Variants in CES5A observed in about 807,000 individuals in gnomAD.
CES5A encodes the protein carboxylesterase 5.
A neutral mutation model predicts 62.9 loss-of-function variants in CES5A; 67 were observed. That is an observed-to-expected ratio of 1.07 (90% confidence interval 0.88 to 1.31). CES5A has a LOEUF of 1.31. Ranked by LOEUF, CES5A falls within the 50% of genes most tolerant of loss-of-function variation. CES5A has a pLI of 0.00. For missense variants in CES5A, 748 were observed against 708.5 expected, an observed-to-expected ratio of 1.06 and a Z score of -0.63; for synonymous variants, 296 against 280.8, an observed-to-expected ratio of 1.05 and a Z score of -0.54.
chr16:55,907,839 A>G (rs370703634), intron 1 of CES5A, among the ~76,000 whole-genome samples: 17 of 152,238 alleles, frequency 1.1e-4, no homozygotes, highest in African/African-American at 3.9e-4. Flanking sequence ...GTGACTGATG[A>G]GCGGGTCTGT....
chr16:55,869,636 G>C lies in CES5A; in HGVS notation c.526C>G (p.Arg176Gly). 1 of 1,613,780 alleles carries C rather than the reference G, an allele frequency of 6.2e-7. No homozygotes were observed. Among genetic ancestry groups the C allele is most frequent in the East Asian group, 2.2e-5 (1 of 44,840 alleles). ...EDVLVVVVQY[R>G]LGIFGFFTTW... ...GTGAAGAAACCAAATATTCCTAGCC[G>C]GTACTGGACGACCACAACCAGCACG... Residue 176 changes from arginine to glycine, a missense_variant, in exon 4 of 13, where the codon CGG becomes GGG. By Grantham distance (125) the Arg-to-Gly change is moderately radical (BLOSUM62 -2). Transcript: ENST00000290567.
At position 55,866,805 on chromosome 16, in the gene CES5A, T is replaced by A. The variant is rs1290726001; in HGVS notation, c.552-689A>T. 4.0e-5 allele frequency among the ~76,000 whole-genome samples: 6 copies of A among 151,728 alleles called. No individual in the cohort carries two copies. In the East Asian group the frequency reaches 1.2e-3, roughly 29 times the overall value. On this transcript the variant is annotated intron_variant, in intron 4 of 12. Transcript: ENST00000290567. Reference sequence around the variant, plus strand: ...GTGAGCTGAGATCATGCCACTGCACTCCAGCCTGGGCAATAGAGTGAGGCT... The same window carrying A: ...GTGAGCTGAGATCATGCCACTGCACACCAGCCTGGGCAATAGAGTGAGGCT...
intron 1 of CES5A, among the ~76,000 whole-genome samples, chr16:55,952,645 A>G (rs1446772976): frequency 6.6e-6 from 1 of 152,148 alleles, no homozygotes; most frequent in Non-Finnish European, 1.5e-5. Context: ...ACATTTCAAA[A>G]TCTAATGAAT....
At chr16:55,926,990 T>C (rs2142465027), upstream of CES5A, among the ~76,000 whole-genome samples, 1 of 152,298 alleles carries the variant, frequency 6.6e-6, no homozygotes, top group Non-Finnish European at 1.5e-5. Flanking sequence ...AGGATCTTGA[T>C]CTCACTTATT....
At chr16:55,953,049 C>T (rs1305046387) in intron 1 of CES5A, among the ~76,000 whole-genome samples, 1 of 151,946 alleles carries the variant, frequency 6.6e-6, no homozygotes, top group East Asian at 1.9e-4. Flanking sequence ...GTATTAGGAG[C>T]AAAAAACGGA....
chr16:55,891,512 G>A lies in CES5A; in HGVS notation c.-255-17475C>T, dbSNP rs201051381. On this transcript the variant is annotated intron_variant, in intron 1 of 12. Coordinates refer to the CES5A transcript ENST00000518005. Reference sequence around the variant, plus strand: ...GTAAAATGAACATTGGTTCATTCCAGAAAGGCAGAACAACTCGAAGCAAAG... The same window carrying A: ...GTAAAATGAACATTGGTTCATTCCAAAAAGGCAGAACAACTCGAAGCAAAG... Among the ~76,000 whole-genome samples the A allele has an allele frequency of 2.0e-5, 3 of 152,322 alleles. No individual in the cohort carries two copies. In the South Asian group the frequency reaches 6.2e-4, roughly 32 times the overall value.
chr16:55,917,335 A>T (rs369716943), intron 1 of CES5A, among the ~76,000 whole-genome samples: 13 of 152,308 alleles, frequency 8.5e-5, no homozygotes, highest in African/African-American at 2.9e-4. Context: ...TTTATGTCAC[A>T]TTTTCTGTAA....
chr16:55,894,498 CAAAAAA>C (rs370359945), intron 1 of CES5A, among the ~76,000 whole-genome samples: 1 of 103,000 alleles, frequency 9.7e-6, no homozygotes, highest in African/African-American at 4.1e-5. Flanking sequence ...AACTCTGTCT[CAAAAAA>C]AAAAAAAAAA....
chr16:55,888,081 T>C (rs774495968), intron 1 of CES5A, among the ~76,000 whole-genome samples: 21 of 152,152 alleles, frequency 1.4e-4, no homozygotes, highest in Admixed American at 2.6e-4. Flanking sequence ...AAAGACAAAC[T>C]TGTAGCTTAC....
At chr16:55,917,594 G>A (rs1397894949) in intron 1 of CES5A, among the ~76,000 whole-genome samples, 4 of 152,224 alleles carry the variant, frequency 2.6e-5, no homozygotes, top group African/African-American at 9.6e-5. Flanking sequence ...GGCATCTCAG[G>A]CAGCTAACAG....
chr16:55,857,696 C>A (rs1206697758), intron 8 of CES5A, among the ~76,000 whole-genome samples: 2 of 152,188 alleles, frequency 1.3e-5, no homozygotes, highest in African/African-American at 4.8e-5. Flanking sequence ...CCCACACAGG[C>A]TTTTGAACTC....
intron 1 of CES5A, among the ~76,000 whole-genome samples, chr16:55,881,651 T>C (rs1228492720): frequency 6.6e-6 from 1 of 152,192 alleles, no homozygotes; most frequent in Non-Finnish European, 1.5e-5. Flanking sequence ...TTCAGGGATG[T>C]GGAACTGTTA....
chr16:55,874,601 C>T (rs1421899921), intron 1 of CES5A, among the ~76,000 whole-genome samples: 3 of 151,790 alleles, frequency 2.0e-5, no homozygotes, highest in African/African-American at 7.3e-5. Context: ...CTTTTGAATA[C>T]ACATGAATAT....
At position 55,852,999 on chromosome 16, in the gene CES5A, C is replaced by A. The variant is rs1209177696; in HGVS notation, c.1155G>T (p.Val385=). The change falls in exon 10 of 13, where the codon GTG becomes GTT. Residue 385 remains valine (V), a synonymous_variant. Coordinates refer to ENST00000290567, the MANE Select transcript of CES5A (RefSeq NM_001143685.2). The part of the protein sequence containing the change: ...LHIPPQYLHL[V]ANEYFHDKHS... ...GCTTGTCATGGAAGTATTCATTAGC[C>A]ACAAGGTGCAAATACTGAGGCGGGA... 1 of 1,614,132 alleles carries A rather than the reference C, an allele frequency of 6.2e-7. No homozygotes were observed. Among genetic ancestry groups the A allele is most frequent in the East Asian group, 2.2e-5 (1 of 44,882 alleles).
chr16:55,882,240 A>C (rs1020071645), intron 1 of CES5A, among the ~76,000 whole-genome samples: 3 of 152,198 alleles, frequency 2.0e-5, no homozygotes, highest in Admixed American at 2.0e-4. Context: ...AGTCCTTCCT[A>C]AAAGAGATTT....
At chr16:55,881,371 G>T (rs1330331572) in intron 1 of CES5A, among the ~76,000 whole-genome samples, 1 of 152,190 alleles carries the variant, frequency 6.6e-6, no homozygotes, top group Non-Finnish European at 1.5e-5. Flanking sequence ...GATAGGAACA[G>T]AGAAAAACAT....
chr16:55,896,496 C>T (rs762287000), intron 1 of CES5A, among the ~76,000 whole-genome samples: 29 of 152,332 alleles, frequency 1.9e-4, no homozygotes, highest in South Asian at 8.3e-4. Context: ...TTCAAGCCAG[C>T]AGAATCATGA....
chr16:55,857,028 C>T (rs1470382998), intron 8 of CES5A, among the ~76,000 whole-genome samples: 1 of 152,216 alleles, frequency 6.6e-6, no homozygotes, highest in African/African-American at 2.4e-5. Context: ...TTGGCTTTGA[C>T]ACCAAGTTCA....
intron 1 of CES5A, among the ~76,000 whole-genome samples, chr16:55,888,922 C>T (rs1234285079): frequency 6.6e-6 from 1 of 152,182 alleles, no homozygotes; most frequent in African/African-American, 2.4e-5. Flanking sequence ...ATTTTGGGTT[C>T]ACTTTGCACC....
Sources: gnomAD v4.1 joint callset for allele counts (sites outside exome capture counted in the v4.1 genomes callset) on GRCh38, gnomAD v4.1.1 for gene constraint, MANE v1.5 for transcripts, NCBI Gene and HGNC (gene_info 2026-07-23, HGNC 2026-07-21) for gene names.